The following UTP14C variants were observed in gnomAD, a reference collection of about 807,000 sequenced individuals.
The protein encoded by UTP14C is U3 small nucleolar RNA-associated protein 14 homolog C.
A neutral mutation model predicts 14.6 loss-of-function variants in UTP14C; 10 were observed. That is an observed-to-expected ratio of 0.68 (90% confidence interval 0.42 to 1.16). The LOEUF (loss-of-function observed/expected upper bound fraction) is 1.16. UTP14C is among the 50% of genes most tolerant of loss of function. The pLI, the probability that UTP14C is intolerant of heterozygous loss-of-function variation, is 0.00. For missense variants in UTP14C, 818 were observed against 890.8 expected (o/e 0.92, Z 1.04); for synonymous variants, 315 against 331.6 (o/e 0.95, Z 0.54).
In UTP14C at chr13:52,024,936, T is replaced by C; in HGVS notation, c.-488T>C. ...CCATGTGGAACGAGCATTTTGGGAT[T>C]GGTGAGTTTGGCCTTTAAACAACTT... On this transcript the variant is annotated splice_region_variant and 5_prime_UTR_variant, in exon 1 of 2. Transcript: ENST00000521776. The C allele has an allele frequency of 6.2e-7, 1 of 1,607,472 alleles. No individual in the cohort carries two copies. Among genetic ancestry groups the C allele is most frequent in the African/African-American group, 1.3e-5 (1 of 75,052 alleles).
In UTP14C at chr13:52,030,880, G is replaced by A; in HGVS notation, c.2076G>A (p.Arg692=). Residue 692 remains arginine, a synonymous_variant, in exon 2 of 2, where the codon CGG becomes CGA. Coordinates refer to ENST00000521776, the MANE Select transcript of UTP14C (RefSeq NM_021645.6). ...TTCCATATCCATTTACCCACCATCG[G>A]CAATTTGAAAGGACCATCCAGACCC... ...QVLPYPFTHH[R]QFERTIQTPI... The A allele has an allele frequency of 6.2e-7, 1 of 1,614,072 alleles. No homozygotes were observed. Among genetic ancestry groups the A allele is most frequent in the South Asian group, 1.1e-5 (1 of 91,078 alleles).
At position 52,029,660 on chromosome 13, in the gene UTP14C, G is replaced by A. The variant is rs201237374; in HGVS notation, c.856G>A (p.Glu286Lys). 6.2e-7 allele frequency: 1 copy of A among 1,614,208 alleles called. No homozygotes were observed. Among genetic ancestry groups the A allele is most frequent in the East Asian group, 2.2e-5 (1 of 44,890 alleles). Reference sequence around the variant, plus strand: ...GGCACTGGAAGAAATGGAAAAAATTGAAAATGCCAGAATGATGGAAAGAAT... The same window carrying A: ...GGCACTGGAAGAAATGGAAAAAATTAAAAATGCCAGAATGATGGAAAGAAT... ...TVALEEMEKI[E>K]NARMMERMSL... is the part of the protein sequence containing the mutation. The change falls in exon 2 of 2, where the codon GAA (glutamate) becomes AAA (lysine). Residue 286 changes from glutamate to lysine, a missense_variant. Glu to Lys is a moderately conservative substitution (Grantham distance 56). Transcript: ENST00000521776.
chr13:52,031,893 A>G lies in UTP14C; in HGVS notation c.*788A>G, dbSNP rs901704099. On this transcript the variant is annotated 3_prime_UTR_variant, in exon 2 of 2. Coordinates refer to ENST00000521776, the MANE Select transcript of UTP14C (RefSeq NM_021645.6). Reference sequence around the variant, plus strand: ...GTCCTTACTACCTTTTAGAGTTGGAATGAGATGGAAAGTAGATGAAACTAC... The same window carrying G: ...GTCCTTACTACCTTTTAGAGTTGGAGTGAGATGGAAAGTAGATGAAACTAC... The G allele has an allele frequency of 6.0e-6, 1 of 167,062 alleles. No homozygotes were observed. Among genetic ancestry groups the G allele is most frequent in the African/African-American group, 2.4e-5 (1 of 41,438 alleles). The allele number at this position is 167,062 out of a possible 1,614,324, so 10.3% of individuals were successfully genotyped here.
Position 52,030,016 on chromosome 13 carries a change from A to C in UTP14C, c.1212A>C (p.Ala404=). 6.2e-7 allele frequency: 1 copy of C among 1,614,244 alleles called. No homozygotes were observed. Among genetic ancestry groups the C allele is most frequent in the South Asian group, 1.1e-5 (1 of 91,090 alleles). The change falls in exon 2 of 2, where the codon GCA becomes GCC. Residue 404 remains alanine, a synonymous_variant. Coordinates refer to ENST00000521776, the MANE Select transcript of UTP14C (RefSeq NM_021645.6). ...VPELAAHEVS[A]SEAEERPVAE... is the part of the protein sequence containing the mutation. ...AGCTTGCAGCTCATGAGGTTTCTGC[A>C]AGTGAGGCAGAAGAAAGACCAGTGG... is the stretch of plus-strand genomic sequence containing the variant.
At chr13:52,026,842 A>G (rs1322453481) in intron 1 of UTP14C, among the ~76,000 whole-genome samples, 1 of 152,200 alleles carries the variant, frequency 6.6e-6, no homozygotes, top group African/African-American at 2.4e-5. Flanking sequence ...ATAAAAAATG[A>G]GGATTGTCCT....
intron 1 of UTP14C, among the ~76,000 whole-genome samples, 170 bp downstream of exon 1, chr13:52,025,107 G>A (rs1005782947): frequency 6.6e-6 from 1 of 152,184 alleles, no homozygotes; most frequent in Non-Finnish European, 1.5e-5. Context: ...GTTAATAATA[G>A]CAGCTAGTAT....
rs369156092 is a variant in UTP14C, at chr13:52,025,232, TAAAG to T, written c.-487+299_-487+302del. On this transcript the variant is annotated intron_variant, in intron 1 of 1. Coordinates refer to ENST00000521776, the MANE Select transcript of UTP14C (RefSeq NM_021645.6). ...GTTATTGTTATTCCCATTTTATAAA[TAAAG>T]AAACTCAGGCACAGGAAGGTTTAGA... Among the ~76,000 whole-genome samples the T allele has an allele frequency of 2.7e-3, 408 of 152,334 alleles. 5 individuals are homozygous for T. Among genetic ancestry groups the T allele is most frequent in the African/African-American group, 9.0e-3 (375 of 41,580 alleles).
chr13:52,029,177 G>A lies in UTP14C; in HGVS notation c.373G>A (p.Glu125Lys). ...VELPLNKEKI[E>K]QIHREVAFSK... is the part of the protein sequence containing the mutation. ...GTTACCTCTTAACAAAGAAAAAATT[G>A]AACAGATCCACAGAGAAGTAGCATT... Residue 125 changes from glutamate (E) to lysine (K), a missense_variant, in exon 2 of 2, where the codon GAA becomes AAA. Coordinates refer to ENST00000521776, the MANE Select transcript of UTP14C (RefSeq NM_021645.6). 6.2e-7 allele frequency: 1 copy of A among 1,614,154 alleles called. No individual in the cohort carries two copies. The highest frequency in any genetic ancestry group is 1.1e-5 in the South Asian group (1 of 91,076).
In UTP14C at chr13:52,030,100, T is replaced by G. The variant is rs900469080; in HGVS notation, c.1296T>G (p.Ser432=). The change falls in exon 2 of 2, where the codon TCT becomes TCG. Residue 432 remains serine (S), a synonymous_variant. Coordinates refer to ENST00000521776, the MANE Select transcript of UTP14C (RefSeq NM_021645.6). ...FEERQSLRKR[S]ELNQDAEPAS... is the part of the protein sequence containing the mutation. ...AAAGGCAATCCCTTAGAAAAAGATC[T>G]GAGCTCAACCAGGATGCTGAGCCAG... 5 of 1,614,104 alleles carry G rather than the reference T, an allele frequency of 3.1e-6. No homozygotes were observed. The highest frequency in any genetic ancestry group is 1.3e-5 in the African/African-American group (1 of 74,930).
chr13:52,027,917 C>T (rs148908946), intron 1 of UTP14C, among the ~76,000 whole-genome samples: 1 of 152,084 alleles, frequency 6.6e-6, no homozygotes, highest in East Asian at 1.9e-4. Context: ...TGCAATATAT[C>T]TTTTTTAATA....
chr13:52,030,027 A>C lies in UTP14C; in HGVS notation c.1223A>C (p.Glu408Ala). The C allele has an allele frequency of 1.2e-6, 2 of 1,614,248 alleles. No homozygotes were observed. The highest frequency in any genetic ancestry group is 1.7e-6 in the Non-Finnish European group (2 of 1,180,046). ...AAHEVSASEA[E>A]ERPVAEEEIL... ...CATGAGGTTTCTGCAAGTGAGGCAGAAGAAAGACCAGTGGCAGAGGAAGAA... is the reference window on the plus strand; with the variant it reads ...CATGAGGTTTCTGCAAGTGAGGCAGCAGAAAGACCAGTGGCAGAGGAAGAA... The change falls in exon 2 of 2, where the codon GAA becomes GCA. Residue 408 changes from glutamate (E) to alanine (A), a missense_variant. Glu to Ala is a moderately radical substitution (Grantham distance 107). Coordinates refer to ENST00000521776, the MANE Select transcript of UTP14C (RefSeq NM_021645.6).
rs780186785 is a variant in UTP14C at position 52,030,557 on chromosome 13, G to A, written c.1753G>A (p.Glu585Lys). The A allele has an allele frequency of 1.9e-6, 3 of 1,614,184 alleles. No homozygotes were observed. The highest frequency in any genetic ancestry group is 2.5e-6 in the Non-Finnish European group (3 of 1,180,022). Residue 585 changes from glutamate to lysine, a missense_variant, in exon 2 of 2, where the codon GAA becomes AAA. By Grantham distance (56) the Glu-to-Lys change is moderately conservative. Transcript: ENST00000521776. ...CACAATAATAGAGGAGCTGGAAGAT[G>A]AAGAGGAGAGAGACCAAAGGCAGAT... ...VPTIIEELEDEEERDQRQMIK... is the reference protein window; with the variant it reads ...VPTIIEELEDKEERDQRQMIK...
chr13:52,032,412 A>G lies in UTP14C; in HGVS notation c.*1307A>G, dbSNP rs984235788. 2.4e-5 allele frequency: 4 copies of G among 167,108 alleles called. No individual in the cohort carries two copies. The highest frequency in any genetic ancestry group is 5.9e-5 in the Non-Finnish European group (4 of 68,128). 10.4% of individuals were successfully genotyped at this position (167,108 alleles called of 1,614,324 possible). A position where few individuals can be genotyped will look rare whatever the true frequency, so the allele number is the denominator to read the frequency against. On this transcript the variant is annotated 3_prime_UTR_variant, in exon 2 of 2. Coordinates refer to ENST00000521776, the MANE Select transcript of UTP14C (RefSeq NM_021645.6). ...CTGAATAACTAGCATGGAAAAGTGAATATATGTGTGAGCAGATATGGCTAT... is the reference window on the plus strand; with the variant it reads ...CTGAATAACTAGCATGGAAAAGTGAGTATATGTGTGAGCAGATATGGCTAT...
Position 52,032,380 on chromosome 13 carries a change from T to G in UTP14C, c.*1275T>G, listed in dbSNP as rs986890853. ...GGAATTGGTATAAATTTAATGCACC[T>G]TCTATCCTGAATAACTAGCATGGAA... On this transcript the variant is annotated 3_prime_UTR_variant, in exon 2 of 2. Coordinates refer to ENST00000521776, the MANE Select transcript of UTP14C (RefSeq NM_021645.6). The G allele has an allele frequency of 7.2e-5, 12 of 167,226 alleles. No individual in the cohort carries two copies. The highest frequency in any genetic ancestry group is 2.9e-4 in the African/African-American group (12 of 41,592). The allele number at this position is 167,226 out of a possible 1,614,324, so 10.4% of individuals were successfully genotyped here. A position where few individuals can be genotyped will look rare whatever the true frequency, so the allele number is the denominator to read the frequency against.
Position 52,031,221 on chromosome 13 carries a change from C to A in UTP14C, c.*116C>A. Reference sequence around the variant, plus strand: ...GCTCAGCACATTGCATGTAGTTGAGCCACATTTTTTAAAAAAAGAAAATGG... The same window carrying A: ...GCTCAGCACATTGCATGTAGTTGAGACACATTTTTTAAAAAAAGAAAATGG... On this transcript the variant is annotated 3_prime_UTR_variant, in exon 2 of 2. Transcript: ENST00000521776. 1 of 1,444,536 alleles carries A rather than the reference C, an allele frequency of 6.9e-7. No individual in the cohort carries two copies. Among genetic ancestry groups the A allele is most frequent in the Non-Finnish European group, 9.2e-7 (1 of 1,083,920 alleles). 89.5% of individuals were successfully genotyped at this position (1,444,536 alleles called of 1,614,324 possible). A position where few individuals can be genotyped will look rare whatever the true frequency, so the allele number is the denominator to read the frequency against.
Position 52,024,768 on chromosome 13 carries a change from T to C in UTP14C, c.-656T>C. 1 of 1,614,210 alleles carries C rather than the reference T, an allele frequency of 6.2e-7. No homozygotes were observed. On this transcript the variant is annotated 5_prime_UTR_variant, in exon 1 of 2. Transcript: ENST00000521776. ...AACTTGTCCTCATTGGAGGTTGTCG[T>C]AACAAAGATGATGAACTTAGGGTAA...
chr13:52,027,583 TCTC>T (rs1240801162), intron 1 of UTP14C, among the ~76,000 whole-genome samples: 2 of 152,168 alleles, frequency 1.3e-5, no homozygotes, highest in Non-Finnish European at 2.9e-5. Context: ...AGGGCTTAAT[TCTC>T]CTAGGAATAT....
rs1391619405 is a variant in UTP14C at position 52,032,366 on chromosome 13, A to C, written c.*1261A>C. 1.2e-5 allele frequency: 2 copies of C among 167,150 alleles called. No individual in the cohort carries two copies. Among genetic ancestry groups the C allele is most frequent in the Non-Finnish European group, 2.9e-5 (2 of 68,134 alleles). The allele number at this position is 167,150 out of a possible 1,614,324, so 10.4% of individuals were successfully genotyped here. On this transcript the variant is annotated 3_prime_UTR_variant, in exon 2 of 2. Transcript: ENST00000521776. ...TAGGCCAGTAGCTAGGAATTGGTAT[A>C]AATTTAATGCACCTTCTATCCTGAA...
In UTP14C at chr13:52,030,927, C is replaced by T. The variant is rs751435110; in HGVS notation, c.2123C>T (p.Thr708Ile). 1 of 1,614,176 alleles carries T rather than the reference C, an allele frequency of 6.2e-7. No individual in the cohort carries two copies. Among genetic ancestry groups the T allele is most frequent in the East Asian group, 2.2e-5 (1 of 44,888 alleles). The change falls in exon 2 of 2, where the codon ACC (threonine) becomes ATC (isoleucine). Residue 708 changes from threonine (T) to isoleucine (I), a missense_variant. By Grantham distance (89) the Thr-to-Ile change is moderately conservative. Coordinates refer to ENST00000521776, the MANE Select transcript of UTP14C (RefSeq NM_021645.6). ...ACCCCTATAGGATCCACATGGAACA[C>T]CCAGAGGGCTTTCCAAAAGCTGACT... Reference protein sequence around the residue: ...IQTPIGSTWNTQRAFQKLTTP... With the variant: ...IQTPIGSTWNIQRAFQKLTTP...
Sources: gnomAD v4.1 joint callset for allele counts (sites outside exome capture counted in the v4.1 genomes callset) on GRCh38, gnomAD v4.1.1 for gene constraint, MANE v1.5 for transcripts, NCBI Gene and HGNC (gene_info 2026-07-23, HGNC 2026-07-21) for gene names.